NBAS: variants seen among roughly 807,000 people sequenced by gnomAD.
NBAS encodes the protein NAG/BC035112 fusion.
NBAS carries 219 observed loss-of-function variants against 302.5 expected under a neutral mutation model. The observed-to-expected ratio is 0.72, with a 90% CI of 0.65 to 0.81. The LOEUF (loss-of-function observed/expected upper bound fraction) is 0.81, where lower values mean the gene tolerates loss of function less well. NBAS is among the 30% of genes least tolerant of loss of function. The pLI is 0.00. For missense variants in NBAS, 2,932 were observed against 2,841.6 expected (o/e 1.03, Z -0.72); for synonymous variants, 1,118 against 1,021.6 (o/e 1.09, Z -1.80).
chr2:15,211,227 C>T (rs1666394977), intron 48 of NBAS, among the ~76,000 whole-genome samples: 1 of 151,942 alleles, frequency 6.6e-6, no homozygotes, highest in Non-Finnish European at 1.5e-5. Context: ...CAAGATATCT[C>T]ATGTAACCCA....
Position 15,167,273 on chromosome 2 carries a change from G to C in NBAS, c.6891C>G (p.Ala2297=), listed in dbSNP as rs1163189312. ...DQELLSLLLD[A]KLLVKCVSTP... is the part of the protein sequence containing the mutation. Reference sequence around the variant, plus strand: ...TGGAGACACACTTCACCAGCAGCTTGGCATCCAGGAGCAGGGAAAGAAGTT... The same window carrying C: ...TGGAGACACACTTCACCAGCAGCTTCGCATCCAGGAGCAGGGAAAGAAGTT... The change falls in exon 52 of 52, where the codon GCC becomes GCG. Residue 2297 remains alanine, a synonymous_variant. Coordinates refer to ENST00000281513, the MANE Select transcript of NBAS (RefSeq NM_015909.4). The C allele has an allele frequency of 1.9e-6, 3 of 1,614,236 alleles. No individual in the cohort carries two copies. The South Asian group carries it at 3.3e-5, about 18-fold the overall frequency.
intron 12 of NBAS, among the ~76,000 whole-genome samples, chr2:15,479,253 G>C (rs1395202895): frequency 1.3e-5 from 2 of 152,200 alleles, no homozygotes; most frequent in East Asian, 1.9e-4. Context: ...TATATACCAA[G>C]GGGAAGAAAT....
chr2:14,833,760 T>C, the NBAS span, among the ~76,000 whole-genome samples: 4 of 152,164 alleles, frequency 2.6e-5, no homozygotes, highest in African/African-American at 9.6e-5. Flanking sequence ...TATATGACTT[T>C]GAATATGTCA....
intron 34 of NBAS, among the ~76,000 whole-genome samples, chr2:15,352,832 T>C (rs922124750): frequency 5.3e-5 from 8 of 152,058 alleles, no homozygotes; most frequent in African/African-American, 1.9e-4. Flanking sequence ...TGATCACCAG[T>C]TTCAGGGGTT....
the NBAS span, among the ~76,000 whole-genome samples, chr2:14,799,826 C>T: frequency 6.6e-6 from 1 of 152,092 alleles, no homozygotes; most frequent in African/African-American, 2.4e-5. Flanking sequence ...TAGTCTATCT[C>T]CAGTCTTTAT....
At chr2:15,258,849 T>C (rs1668723485) in intron 44 of NBAS, among the ~76,000 whole-genome samples, 1 of 152,220 alleles carries the variant, frequency 6.6e-6, no homozygotes, top group Admixed American at 6.5e-5. Flanking sequence ...GTGATCTTTG[T>C]GACCTACTCC....
the NBAS span, among the ~76,000 whole-genome samples, chr2:15,121,380 A>G: frequency 2.4e-4 from 36 of 152,288 alleles, 1 homozygote; most frequent in African/African-American, 8.7e-4. Context: ...CAGACAAGCC[A>G]TGGTTCTGTG....
the NBAS span, among the ~76,000 whole-genome samples, chr2:14,872,071 A>T: frequency 6.6e-6 from 1 of 152,208 alleles, no homozygotes; most frequent in Non-Finnish European, 1.5e-5. Flanking sequence ...AGGATGGAAA[A>T]ACACATGCCT....
chr2:15,323,042 T>C (rs1250709165), intron 38 of NBAS, among the ~76,000 whole-genome samples: 2 of 152,234 alleles, frequency 1.3e-5, no homozygotes, highest in South Asian at 2.1e-4. Context: ...AATTTTTAAC[T>C]CCTTAGTAGA....
chr2:15,284,426 C>G (rs1003815688), intron 42 of NBAS, among the ~76,000 whole-genome samples: 9 of 152,238 alleles, frequency 5.9e-5, no homozygotes, highest in South Asian at 2.1e-4. Flanking sequence ...TTTGATCTAG[C>G]TATTTTGATT....
intron 21 of NBAS, among the ~76,000 whole-genome samples, chr2:15,428,487 T>C (rs1393617416): frequency 1.3e-5 from 2 of 152,092 alleles, no homozygotes; most frequent in East Asian, 1.9e-4. Flanking sequence ...TCCAACACTT[T>C]AGGAAGCCAA....
chr2:14,844,010 T>A, the NBAS span, among the ~76,000 whole-genome samples: 22 of 152,224 alleles, frequency 1.4e-4, no homozygotes, highest in Non-Finnish European at 2.5e-4. Flanking sequence ...TAGGGCTGAA[T>A]TGGGCTCAGA....
the NBAS span, among the ~76,000 whole-genome samples, chr2:14,802,567 C>T: frequency 6.6e-6 from 1 of 151,916 alleles, no homozygotes; most frequent in African/African-American, 2.4e-5. Context: ...ATAAATCATG[C>T]TGCTATAAAG....
chr2:15,391,330 A>C (rs1675590730), intron 28 of NBAS, among the ~76,000 whole-genome samples: 1 of 151,914 alleles, frequency 6.6e-6, no homozygotes, highest in African/African-American at 2.4e-5. Context: ...TCAAAAAGTT[A>C]ATGAGGCATG....
chr2:15,409,608 A>G (rs1676585216), intron 25 of NBAS, among the ~76,000 whole-genome samples: 1 of 152,168 alleles, frequency 6.6e-6, no homozygotes, highest in African/African-American at 2.4e-5. Flanking sequence ...TAGAAGTTCT[A>G]TGTGCTCTTT....
At chr2:15,130,450 T>A in the NBAS span, among the ~76,000 whole-genome samples, 7 of 152,158 alleles carry the variant, frequency 4.6e-5, no homozygotes, top group African/African-American at 1.7e-4. Flanking sequence ...GTACCAAACA[T>A]CTGAAAATAA....
At chr2:15,263,103 C>T (rs1668923981) in intron 44 of NBAS, among the ~76,000 whole-genome samples, 1 of 152,208 alleles carries the variant, frequency 6.6e-6, no homozygotes, top group South Asian at 2.1e-4. Flanking sequence ...TGGCCCTCCA[C>T]TTCTGTTCCT....
At position 15,539,899 on chromosome 2, in the gene NBAS, G is replaced by A. The variant is rs151103998; in HGVS notation, c.380-543C>T. 2.0e-3 allele frequency among the ~76,000 whole-genome samples: 298 copies of A among 151,768 alleles called. 4 individuals are homozygous for A. The highest frequency in any genetic ancestry group is 7.1e-3 in the African/African-American group (293 of 41,388). On this transcript the variant is annotated intron_variant, in intron 6 of 51. Transcript: ENST00000281513. ...TCACACACATATACATACACACATA[G>A]AAAGAGGCAGGTAAATCAAGAACTC...
At position 15,474,093 on chromosome 2, in the gene NBAS, T is replaced by C; in HGVS notation, c.1573A>G (p.Thr525Ala). Residue 525 changes from threonine (T) to alanine (A), a missense_variant, in exon 15 of 52, where the codon ACA (threonine) becomes GCA (alanine). By Grantham distance (58) the Thr-to-Ala change is moderately conservative. Transcript: ENST00000281513. ...NYRLVSLRST[T>A]PEELYQRKIE... Reference sequence around the variant, plus strand: ...TTCCTCTGATAAAGTTCCTCTGGTGTCGTGGAGCGCAAACTCACAAGGCGG... The same window carrying C: ...TTCCTCTGATAAAGTTCCTCTGGTGCCGTGGAGCGCAAACTCACAAGGCGG... 6.2e-7 allele frequency: 1 copy of C among 1,614,222 alleles called. No individual in the cohort carries two copies. Among genetic ancestry groups the C allele is most frequent in the Non-Finnish European group, 8.5e-7 (1 of 1,180,036 alleles).
Sources: gnomAD v4.1 joint callset for allele counts (sites outside exome capture counted in the v4.1 genomes callset) on GRCh38, gnomAD v4.1.1 for gene constraint, MANE v1.5 for transcripts, NCBI Gene and HGNC (gene_info 2026-07-23, HGNC 2026-07-21) for gene names.